NUP35: variants seen among roughly 807,000 people sequenced by gnomAD.
The protein encoded by NUP35 is nucleoporin 35, also known as nucleoporin NUP35.
Under a neutral mutation model 41.5 loss-of-function variants are expected in NUP35, and 25 were observed. The ratio of observed to expected loss-of-function variants is 0.60; its 90% confidence interval spans 0.44 to 0.84. NUP35 has a LOEUF of 0.84. Among genes scored for constraint, NUP35 ranks in the 40% least tolerant of loss-of-function variants. The pLI, the probability that NUP35 is intolerant of heterozygous loss-of-function variation, is 0.00. For missense variants in NUP35, 396 were observed against 396.6 expected, an observed-to-expected ratio of 1.00 and a Z score of 0.01; for synonymous variants, 149 against 130.7, an observed-to-expected ratio of 1.14 and a Z score of -0.96.
intron 4 of NUP35, among the ~76,000 whole-genome samples, chr2:183,137,392 C>G (rs1684912634): frequency 6.6e-6 from 1 of 152,152 alleles, no homozygotes. Context: ...CCAGCCTGGG[C>G]AACATAGTGA....
At chr2:183,123,113 T>G (rs1700093095), upstream of NUP35, among the ~76,000 whole-genome samples, 1 of 152,164 alleles carries the variant, frequency 6.6e-6, no homozygotes, top group Non-Finnish European at 1.5e-5. Context: ...GAAATATAAG[T>G]GGCTTCTAGA....
intron 4 of NUP35, among the ~76,000 whole-genome samples, chr2:183,150,169 T>C (rs1440287105): frequency 6.6e-6 from 1 of 152,170 alleles, no homozygotes; most frequent in Non-Finnish European, 1.5e-5. Flanking sequence ...CCTCCCAAAG[T>C]GTTGGGATGA....
chr2:183,143,919 CT>C (rs1160860729), intron 4 of NUP35, among the ~76,000 whole-genome samples: 1 of 152,130 alleles, frequency 6.6e-6, no homozygotes, highest in Admixed American at 6.6e-5. Context: ...ACTGCAAAGT[CT>C]GATTAAATAG....
intron 5 of NUP35, among the ~76,000 whole-genome samples, chr2:183,152,891 C>G (rs1049811220): frequency 1.3e-5 from 2 of 152,078 alleles, no homozygotes; most frequent in Non-Finnish European, 2.9e-5. Flanking sequence ...GTATGATTTG[C>G]CATACTGTAT....
chr2:183,117,843 T>A (rs932264129), intron 1 of NUP35, among the ~76,000 whole-genome samples: 2 of 152,062 alleles, frequency 1.3e-5, no homozygotes, highest in African/African-American at 2.4e-5. Flanking sequence ...TATTGAAAAA[T>A]TTTTAAAATG....
chr2:183,134,669 G>A (rs963415641), intron 4 of NUP35, among the ~76,000 whole-genome samples: 2 of 151,552 alleles, frequency 1.3e-5, no homozygotes, highest in African/African-American at 2.4e-5. Context: ...AGGTTAGAGT[G>A]CAGTGGCACC....
At chr2:183,123,112 G>A (rs1202834126), upstream of NUP35, among the ~76,000 whole-genome samples, 4 of 152,182 alleles carry the variant, frequency 2.6e-5, no homozygotes, top group Admixed American at 6.5e-5. Context: ...AGAAATATAA[G>A]TGGCTTCTAG....
intron 1 of NUP35, chr2:183,118,472 T>C (rs559714212): frequency 6.6e-6 from 1 of 152,358 alleles, no homozygotes; most frequent in Non-Finnish European, 1.5e-5. Context: ...AATGTGCAGT[T>C]ATGATTTTTA....
Position 183,130,493 on chromosome 2 carries a change from A to G in NUP35, c.287A>G (p.Asp96Gly). Residue 96 changes from aspartate to glycine, a missense_variant, in exon 3 of 9, where the codon GAT becomes GGT. Transcript: ENST00000295119. ...SGAPPVRSIY[D>G]DISSPGLGST... Reference sequence around the variant, plus strand: ...GCTCCACCAGTTAGAAGTATATATGATGACATTTCTAGCCCAGGACTTGGA... The same window carrying G: ...GCTCCACCAGTTAGAAGTATATATGGTGACATTTCTAGCCCAGGACTTGGA... 2 of 1,611,408 alleles carry G rather than the reference A, an allele frequency of 1.2e-6. No individual in the cohort carries two copies. The highest frequency in any genetic ancestry group is 1.7e-6 in the Non-Finnish European group (2 of 1,179,422).
intron 4 of NUP35, among the ~76,000 whole-genome samples, chr2:183,148,537 C>A (rs1378864947): frequency 2.6e-5 from 4 of 152,092 alleles, no homozygotes; most frequent in Admixed American, 6.6e-5. Flanking sequence ...AATTGCATTT[C>A]TCTGATGATT....
At chr2:183,124,301 A>G, upstream of NUP35, 2 of 1,493,840 alleles carry the variant, frequency 1.3e-6, no homozygotes, top group South Asian at 1.3e-5. Context: ...ACTTTGCCCT[A>G]TTCCAAAATG....
intron 1 of NUP35, among the ~76,000 whole-genome samples, chr2:183,126,280 C>G (rs928358274): frequency 2.6e-5 from 4 of 152,228 alleles, no homozygotes; most frequent in African/African-American, 9.6e-5. Context: ...CCACCTGCCT[C>G]GGCCTCCCAA....
At chr2:183,129,148 T>C (rs1183250624) in intron 2 of NUP35, among the ~76,000 whole-genome samples, 1 of 152,220 alleles carries the variant, frequency 6.6e-6, no homozygotes, top group Non-Finnish European at 1.5e-5. Flanking sequence ...AACTTGAAGA[T>C]GTAGATACGA....
intron 4 of NUP35, among the ~76,000 whole-genome samples, chr2:183,135,435 A>C (rs1684841448): frequency 6.6e-6 from 1 of 152,098 alleles, no homozygotes; most frequent in Non-Finnish European, 1.5e-5. Context: ...GTCAGAGAGG[A>C]GAGGTAATGG....
intron 4 of NUP35, among the ~76,000 whole-genome samples, chr2:183,142,249 T>C (rs2105579338): frequency 6.6e-6 from 1 of 152,340 alleles, no homozygotes; most frequent in Non-Finnish European, 1.5e-5. Flanking sequence ...TCAAGATGCT[T>C]ATATTTATTC....
intron 4 of NUP35, among the ~76,000 whole-genome samples, chr2:183,137,213 T>C (rs1684905743): frequency 6.6e-6 from 1 of 152,222 alleles, no homozygotes; most frequent in African/African-American, 2.4e-5. Context: ...CTAGGAAAAT[T>C]AGTGCTGAAC....
intron 4 of NUP35, among the ~76,000 whole-genome samples, chr2:183,137,708 G>T (rs72894537): frequency 6.6e-6 from 1 of 151,792 alleles, no homozygotes; most frequent in Non-Finnish European, 1.5e-5. Flanking sequence ...TGGGAAGACC[G>T]CTTGAGCCGG....
intron 5 of NUP35, among the ~76,000 whole-genome samples, chr2:183,152,236 G>T (rs555681125): frequency 9.3e-5 from 14 of 150,936 alleles, no homozygotes; most frequent in African/African-American, 2.9e-4. Flanking sequence ...TTACATTTTT[G>T]AATAGATTTT....
chr2:183,123,903 G>A (rs77288890), upstream of NUP35: 7,419 of 767,100 alleles, frequency 9.7e-3, 379 homozygotes, highest in African/African-American at 0.12. Context: ...GTTTTAATAT[G>A]CAACAAAACG....
Sources: gnomAD v4.1 joint callset for allele counts (sites outside exome capture counted in the v4.1 genomes callset) on GRCh38, gnomAD v4.1.1 for gene constraint, MANE v1.5 for transcripts, NCBI Gene and HGNC (gene_info 2026-07-23, HGNC 2026-07-21) for gene names.